UBE2E2: variants seen among roughly 807,000 people sequenced by gnomAD.
UBE2E2 encodes the protein ubiquitin conjugating enzyme E2 E2, also known as ubiquitin-conjugating enzyme E2 E2.
UBE2E2 carries 6 observed loss-of-function variants against 24.7 expected under a neutral mutation model. The ratio of observed to expected loss-of-function variants is 0.24; its 90% CI spans 0.13 to 0.48. The LOEUF (loss-of-function observed/expected upper bound fraction) is 0.48. Ranked by LOEUF, UBE2E2 falls within the 20% of genes least tolerant of loss-of-function variation. The pLI is 0.99. For missense variants in UBE2E2, 169 were observed against 245.0 expected (o/e 0.69, Z 2.07); for synonymous variants, 104 against 83.6 (o/e 1.24, Z -1.33).
intron 3 of UBE2E2, among the ~76,000 whole-genome samples, chr3:23,445,420 C>T (rs986495896): frequency 6.6e-6 from 1 of 152,152 alleles, no homozygotes; most frequent in African/African-American, 2.4e-5. Flanking sequence ...AGCCAGACAC[C>T]ATTTACCACT....
intron 3 of UBE2E2, among the ~76,000 whole-genome samples, chr3:23,305,273 C>T (rs1575548163): frequency 6.6e-6 from 1 of 152,334 alleles, no homozygotes; most frequent in South Asian, 2.1e-4. Flanking sequence ...ATTCAGCTTG[C>T]AGCTTTAACA....
chr3:23,394,476 G>A (rs1179578202), intron 3 of UBE2E2, among the ~76,000 whole-genome samples: 2 of 152,126 alleles, frequency 1.3e-5, no homozygotes, highest in East Asian at 3.9e-4. Context: ...CTTGCTTTTG[G>A]TAATGGTGGA....
At chr3:23,224,546 GC>G (rs142978297) in intron 3 of UBE2E2, among the ~76,000 whole-genome samples, 82,535 of 149,628 alleles carry the variant, frequency 0.55, 22,998 homozygotes, top group East Asian at 0.66. Flanking sequence ...AGTTCTAACA[GC>G]TTTTTTTTTT....
chr3:23,519,722 A>G (rs1345119581), intron 4 of UBE2E2, among the ~76,000 whole-genome samples: 1 of 151,998 alleles, frequency 6.6e-6, no homozygotes, highest in Non-Finnish European at 1.5e-5. Flanking sequence ...TATTGCCCAT[A>G]CTGGAGTGCA....
chr3:23,440,113 A>C (rs1698270669), intron 3 of UBE2E2, among the ~76,000 whole-genome samples: 1 of 152,070 alleles, frequency 6.6e-6, no homozygotes, highest in Non-Finnish European at 1.5e-5. Flanking sequence ...ATCTCTACTA[A>C]AAATACAAAA....
chr3:23,352,657 A>C (rs1049200781), intron 3 of UBE2E2, among the ~76,000 whole-genome samples: 2 of 152,198 alleles, frequency 1.3e-5, no homozygotes, highest in Non-Finnish European at 2.9e-5. Context: ...ATTCCTCAAC[A>C]CATACACCCT....
intron 4 of UBE2E2, among the ~76,000 whole-genome samples, chr3:23,525,222 C>A (rs1575685268): frequency 6.6e-6 from 1 of 152,140 alleles, no homozygotes; most frequent in Non-Finnish European, 1.5e-5. Context: ...AGGATAATCA[C>A]CCCCATCTCA....
intron 3 of UBE2E2, among the ~76,000 whole-genome samples, chr3:23,296,017 C>T (rs1322782845): frequency 4.6e-5 from 7 of 152,260 alleles, no homozygotes; most frequent in African/African-American, 1.4e-4. Flanking sequence ...GAGCTTATAG[C>T]TCTCATAGCT....
rs145068237 is a variant in UBE2E2, at chr3:23,303,836, T to C, written c.227+86524T>C. Among the ~76,000 whole-genome samples, 3 of 152,316 alleles carry C rather than the reference T, an allele frequency of 2.0e-5. 1 individual carries two copies. The highest frequency in any genetic ancestry group is 7.2e-5 in the African/African-American group (3 of 41,566). On this transcript the variant is annotated intron_variant, in intron 3 of 5. Transcript: ENST00000396703. The stretch of plus-strand genomic sequence containing the variant: ...AGTATAATAATTAACTTCTGACCAT[T>C]CTTGGCCTTTTAAGTTCTCAGGGCT...
At chr3:23,483,507 A>G (rs909461223) in intron 3 of UBE2E2, among the ~76,000 whole-genome samples, 3 of 152,228 alleles carry the variant, frequency 2.0e-5, no homozygotes, top group African/African-American at 7.2e-5. Context: ...TGTCTGGCTT[A>G]ATGTCTGGCA....
At chr3:23,414,909 G>C (rs998252084) in intron 3 of UBE2E2, among the ~76,000 whole-genome samples, 3 of 152,182 alleles carry the variant, frequency 2.0e-5, no homozygotes, top group Non-Finnish European at 2.9e-5. Context: ...TCAGAACTGT[G>C]AAAAATAAAT....
At chr3:23,484,311 C>T (rs1007612552) in intron 3 of UBE2E2, among the ~76,000 whole-genome samples, 1 of 152,192 alleles carries the variant, frequency 6.6e-6, no homozygotes, top group African/African-American at 2.4e-5. Flanking sequence ...TCAGAACCTC[C>T]TGTGGGACTT....
intron 4 of UBE2E2, among the ~76,000 whole-genome samples, chr3:23,524,845 C>A (rs567324990): frequency 6.8e-6 from 1 of 146,878 alleles, no homozygotes; most frequent in African/African-American, 2.6e-5. Context: ...CTGGGAGATA[C>A]AGATACACAC....
intron 5 of UBE2E2, among the ~76,000 whole-genome samples, chr3:23,556,150 T>TC (rs1695776771): frequency 7.0e-6 from 1 of 143,572 alleles, no homozygotes; most frequent in East Asian, 2.0e-4. Flanking sequence ...CTTTTTTTTT[T>TC]TTTTTTTTTT....
chr3:23,292,388 C>A (rs914878450), intron 3 of UBE2E2, among the ~76,000 whole-genome samples: 4 of 152,138 alleles, frequency 2.6e-5, no homozygotes, highest in African/African-American at 9.7e-5. Flanking sequence ...GACATACATG[C>A]CCATGCTACT....
chr3:23,310,705 A>G (rs1036342640), intron 3 of UBE2E2, among the ~76,000 whole-genome samples: 3 of 152,238 alleles, frequency 2.0e-5, no homozygotes, highest in African/African-American at 7.2e-5. Context: ...TCAATATAAC[A>G]AGGCACCCCT....
intron 3 of UBE2E2, among the ~76,000 whole-genome samples, chr3:23,284,977 A>ATATG (rs1261524843): frequency 1.4e-5 from 2 of 146,350 alleles, no homozygotes; most frequent in African/African-American, 5.1e-5. Context: ...ATATATATAT[A>ATATG]TTTATATATT....
At chr3:23,270,615 G>T (rs1698214919) in intron 3 of UBE2E2, among the ~76,000 whole-genome samples, 1 of 152,164 alleles carries the variant, frequency 6.6e-6, no homozygotes, top group Non-Finnish European at 1.5e-5. Context: ...TTCTGATACA[G>T]GTACCAACTG....
chr3:23,227,399 G>A (rs931182896), intron 3 of UBE2E2, among the ~76,000 whole-genome samples: 8 of 152,110 alleles, frequency 5.3e-5, no homozygotes, highest in East Asian at 3.9e-4. Context: ...ATTGGTAAAC[G>A]TACAATGTGA....
Sources: gnomAD v4.1 joint callset for allele counts (sites outside exome capture counted in the v4.1 genomes callset) on GRCh38, gnomAD v4.1.1 for gene constraint, MANE v1.5 for transcripts, NCBI Gene and HGNC (gene_info 2026-07-23, HGNC 2026-07-21) for gene names.